Variants in STRBP observed in about 807,000 individuals in gnomAD.
STRBP encodes spermatid perinuclear RNA binding protein, also known as spermatid perinuclear RNA-binding protein.
Under a neutral mutation model 80.1 loss-of-function variants are expected in STRBP, and 13 were observed. That is an observed-to-expected ratio of 0.16 (90% CI 0.11 to 0.26). STRBP has a LOEUF of 0.26. Among genes scored for constraint, STRBP ranks in the 10% least tolerant of loss-of-function variants. The pLI, the probability that STRBP is intolerant of heterozygous loss-of-function variation, is 1.00. For missense variants in STRBP, 485 were observed against 815.2 expected (o/e 0.59, Z 4.93); for synonymous variants, 284 against 291.2 (o/e 0.98, Z 0.25).
intron 9 of STRBP, 122 bp from the exon 10 acceptor site, chr9:123,158,551 G>GTTTTT: frequency 1.3e-6 from 1 of 798,620 alleles, no homozygotes; most frequent in Non-Finnish European, 2.0e-6. Context: ...GAGGAACTAA[G>GTTTTT]TTAAAAGTCT....
intron 17 of STRBP, among the ~76,000 whole-genome samples, chr9:123,131,968 T>C (rs2132310184): frequency 6.6e-6 from 1 of 152,376 alleles, no homozygotes; most frequent in East Asian, 1.9e-4. Context: ...TCTTGATCAG[T>C]ATCTACAAGT....
chr9:123,231,485 G>C (rs2040396676), intron 2 of STRBP, among the ~76,000 whole-genome samples: 2 of 152,218 alleles, frequency 1.3e-5, no homozygotes, highest in Middle Eastern at 3.4e-3. Flanking sequence ...ATAGTTATCA[G>C]CCAAATCAAG....
chr9:123,141,477 C>T (rs2132335775), intron 13 of STRBP, among the ~76,000 whole-genome samples: 1 of 152,236 alleles, frequency 6.6e-6, no homozygotes, highest in Admixed American at 6.5e-5. Context: ...TGTCTGAGTC[C>T]TGTAAATATG....
At chr9:123,241,968 C>T (rs1044535545) in intron 1 of STRBP, among the ~76,000 whole-genome samples, 2 of 152,206 alleles carry the variant, frequency 1.3e-5, no homozygotes, top group African/African-American at 2.4e-5. Flanking sequence ...GTTCATTACA[C>T]TCCAGACACC....
At chr9:123,192,201 A>G (rs1233965168) in intron 2 of STRBP, among the ~76,000 whole-genome samples, 1 of 152,204 alleles carries the variant, frequency 6.6e-6, no homozygotes, top group East Asian at 1.9e-4. Flanking sequence ...GCAGCTGGAT[A>G]TGGACCTAGT....
chr9:123,178,924 G>T, intron 4 of STRBP, 83 bp downstream of exon 4: 1 of 1,337,714 alleles, frequency 7.5e-7, no homozygotes, highest in Non-Finnish European at 1.1e-6. Flanking sequence ...CCAAAAAACA[G>T]CATAACACAC....
intron 1 of STRBP, among the ~76,000 whole-genome samples, chr9:123,265,723 A>C (rs1048331213): frequency 1.3e-5 from 2 of 152,210 alleles, no homozygotes; most frequent in African/African-American, 4.8e-5. Flanking sequence ...GCTGAAGGCC[A>C]TATGTCCGCC....
intron 2 of STRBP, among the ~76,000 whole-genome samples, chr9:123,200,129 T>C (rs905559689): frequency 6.6e-6 from 1 of 152,232 alleles, no homozygotes; most frequent in African/African-American, 2.4e-5. Context: ...TCTATTGAGA[T>C]GATCATATGG....
chr9:123,224,283 G>C (rs1000851131), intron 2 of STRBP, among the ~76,000 whole-genome samples: 5 of 152,108 alleles, frequency 3.3e-5, no homozygotes, highest in African/African-American at 1.2e-4. Flanking sequence ...TTTCCTAACA[G>C]CTGGACACAC....
chr9:123,231,924 A>G (rs547379270), intron 2 of STRBP, among the ~76,000 whole-genome samples: 21 of 152,318 alleles, frequency 1.4e-4, no homozygotes, highest in African/African-American at 5.1e-4. Flanking sequence ...ACAGTTACCT[A>G]AACACACTAT....
chr9:123,147,879 A>C lies in STRBP; in HGVS notation c.1046-9T>G. The C allele has an allele frequency of 6.2e-7, 1 of 1,607,100 alleles. No individual in the cohort carries two copies. Among genetic ancestry groups the C allele is most frequent in the East Asian group, 2.2e-5 (1 of 44,732 alleles). ...AGCTGAAGACCCAGCACCTAAAAAA[A>C]ATTATGAGGGATTCATTATCAGTCA... On this transcript the variant is annotated splice_polypyrimidine_tract_variant and intron_variant, in intron 11 of 18. Transcript: ENST00000348403.
intron 2 of STRBP, among the ~76,000 whole-genome samples, chr9:123,233,058 T>A (rs900755145): frequency 6.6e-6 from 1 of 152,180 alleles, no homozygotes; most frequent in African/African-American, 2.4e-5. Context: ...CAGTTATACA[T>A]TTTTATGTAT....
At chr9:123,125,807 C>T in intron 18 of STRBP, 134 bp from the exon 19 acceptor site, 2 of 557,348 alleles carry the variant, frequency 3.6e-6, no homozygotes, top group East Asian at 3.0e-5. Flanking sequence ...TACCATTTTG[C>T]AAGAGGCCCA....
chr9:123,230,885 A>T (rs1281761821), intron 2 of STRBP, among the ~76,000 whole-genome samples: 1 of 152,138 alleles, frequency 6.6e-6, no homozygotes, highest in African/African-American at 2.4e-5. Flanking sequence ...TTCTGGTATT[A>T]GTAGGGGGAA....
Position 123,114,931 on chromosome 9 carries a change from C to T in STRBP, c.*84+998G>A, listed in dbSNP as rs768428663. Reference sequence around the variant, plus strand: ...CTGCCTCTCCATCCCTCTGCTGCTGCGCTCCATCAGCCTCCCTCACGCCTC... The same window carrying T: ...CTGCCTCTCCATCCCTCTGCTGCTGTGCTCCATCAGCCTCCCTCACGCCTC... On this transcript the variant is annotated intron_variant and NMD_transcript_variant, in intron 3 of 3. Coordinates refer to the STRBP transcript ENST00000471564. The T allele has an allele frequency of 1.2e-4, 41 of 330,024 alleles. 2 individuals carry two copies. The highest frequency in any genetic ancestry group is 7.9e-4 in the South Asian group (28 of 35,616). 20.4% of individuals were successfully genotyped at this position (330,024 alleles called of 1,614,324 possible). A position where few individuals can be genotyped will look rare whatever the true frequency, so the allele number is the denominator to read the frequency against.
chr9:123,234,996 T>TGG (rs71390420), intron 2 of STRBP, among the ~76,000 whole-genome samples: 31 of 123,676 alleles, frequency 2.5e-4, no homozygotes, highest in African/African-American at 4.8e-4. Context: ...GCTTTTTTTT[T>TGG]GGGGGGGGGG....
intron 1 of STRBP, among the ~76,000 whole-genome samples, chr9:123,265,224 C>A (rs770417023): frequency 6.6e-6 from 1 of 151,702 alleles, no homozygotes; most frequent in African/African-American, 2.4e-5. Context: ...TAACGGATTC[C>A]GATTACTTAA....
At position 123,210,963 on chromosome 9, in the gene STRBP, T is replaced by C. The variant is rs375410473; in HGVS notation, c.-165+25867A>G. 1.6e-4 allele frequency among the ~76,000 whole-genome samples: 25 copies of C among 152,272 alleles called. 1 individual carries two copies. The highest frequency in any genetic ancestry group is 9.8e-4 in the Admixed American group (15 of 15,298). On this transcript the variant is annotated intron_variant, in intron 2 of 18. Coordinates refer to ENST00000348403, the MANE Select transcript of STRBP (RefSeq NM_018387.5). ...TGGACCCACAATGGCTTTTTATGTATTGATGGTAGGAAAAAATGTTCAGTC... is the reference window on the plus strand; with the variant it reads ...TGGACCCACAATGGCTTTTTATGTACTGATGGTAGGAAAAAATGTTCAGTC...
chr9:123,218,482 G>A (rs1165708898), intron 2 of STRBP, among the ~76,000 whole-genome samples: 2 of 147,128 alleles, frequency 1.4e-5, no homozygotes, highest in African/African-American at 5.1e-5. Context: ...CCATTCTCCT[G>A]CCTCAGCCTC....
Sources: allele counts gnomAD v4.1 joint callset (sites outside exome capture counted in the v4.1 genomes callset), GRCh38; gene constraint gnomAD v4.1.1; transcripts MANE v1.5; gene names NCBI Gene and HGNC (gene_info 2026-07-23, HGNC 2026-07-21).